The following ZMPSTE24 variants were observed in gnomAD, a reference collection of about 807,000 sequenced individuals.
ZMPSTE24 encodes zinc metallopeptidase STE24, also known as CAAX prenyl protease 1 homolog.
ZMPSTE24 carries 48 observed loss-of-function variants against 56.7 expected under a neutral mutation model. The observed-to-expected ratio is 0.85, with a 90% CI of 0.67 to 1.08. ZMPSTE24 has a LOEUF of 1.08. Among genes scored for constraint, ZMPSTE24 ranks in the 50% least tolerant of loss-of-function variants. ZMPSTE24 has a pLI of 0.00. For missense variants in ZMPSTE24, 503 were observed against 548.7 expected, an observed-to-expected ratio of 0.92 and a Z score of 0.83; for synonymous variants, 172 against 195.2, an observed-to-expected ratio of 0.88 and a Z score of 0.99.
In ZMPSTE24 at chr1:40,260,852, AAAC is replaced by A. The variant is rs759413352; in HGVS notation, c.144_146del (p.Thr49del). 4.5e-5 allele frequency: 72 copies of A among 1,613,814 alleles called. No individual in the cohort carries two copies. The highest frequency in any genetic ancestry group is 1.2e-4 in the Admixed American group (7 of 60,010). On this transcript the variant is annotated inframe_deletion, in exon 2 of 10. Transcript: ENST00000372759. ...AAAATATTTCAGAGAAGGATATATA[AAAC>A]AACAACTCATGTACCACCGGAGTTA... is the stretch of plus-strand genomic sequence containing the variant.
chr1:40,287,403 C>T (rs964357137), intron 8 of ZMPSTE24, among the ~76,000 whole-genome samples: 3 of 151,846 alleles, frequency 2.0e-5, no homozygotes, highest in Non-Finnish European at 2.9e-5. Flanking sequence ...TTATTGCCGG[C>T]GTGGTGGCTC....
chr1:40,292,326 C>A (rs1449614942), intron 9 of ZMPSTE24, 119 bp from the exon 10 acceptor site: 2 of 932,786 alleles, frequency 2.1e-6, no homozygotes, highest in Non-Finnish European at 3.4e-6. Flanking sequence ...AGTGATCTTT[C>A]TTTTGTCCTG....
intron 9 of ZMPSTE24, 27 bp downstream of exon 9, chr1:40,291,024 C>T (rs770559803): frequency 1.9e-6 from 3 of 1,611,984 alleles, no homozygotes; most frequent in Non-Finnish European, 2.5e-6. Flanking sequence ...AAAATTATCA[C>T]ACATATGCTC....
intron 1 of ZMPSTE24, chr1:40,259,305 TTTTATTTATTTATTTTTAATC>T (rs948103760): frequency 2.0e-5 from 3 of 152,104 alleles, no homozygotes; most frequent in African/African-American, 7.2e-5. Flanking sequence ...AGATCTGAAC[TTTTATTTATTTATTTTTAATC>T]TTTATTTATT....
chr1:40,265,683 G>A (rs1393460993), intron 2 of ZMPSTE24, among the ~76,000 whole-genome samples: 1 of 152,172 alleles, frequency 6.6e-6, no homozygotes, highest in Non-Finnish European at 1.5e-5. Flanking sequence ...GTGACAGAGT[G>A]AGACTCTGTC....
rs1324048015 is a variant in ZMPSTE24 at position 40,293,338 on chromosome 1, T to G, written c.*669T>G. ...ATCATTGAGTTTTGTGGGGTTTTTT[T>G]GTTTGTTTGTTTCTTTTGTTTTTTG... On this transcript the variant is annotated 3_prime_UTR_variant, in exon 10 of 10. Transcript: ENST00000372759. 1 of 152,108 alleles carries G rather than the reference T, an allele frequency of 6.6e-6. No individual in the cohort carries two copies. The highest frequency in any genetic ancestry group is 2.4e-5 in the African/African-American group (1 of 41,336). 9.4% of individuals were successfully genotyped at this position (152,108 alleles called of 1,614,324 possible). A position where few individuals can be genotyped will look rare whatever the true frequency, so the allele number is the denominator to read the frequency against.
rs776711690 is a variant in ZMPSTE24 at position 40,281,326 on chromosome 1, A to G, written c.770-17A>G. 66 of 1,613,568 alleles carry G rather than the reference A, an allele frequency of 4.1e-5. No homozygotes were observed. In the East Asian group the frequency reaches 1.4e-3, roughly 34 times the overall value. ...CTTTTTAATTATATTCCATGCTTTG[A>G]ACTGTCTTTTCCTTAGGATCTAAAC... On this transcript the variant is annotated splice_polypyrimidine_tract_variant and intron_variant, in intron 6 of 9. Coordinates refer to ENST00000372759, the MANE Select transcript of ZMPSTE24 (RefSeq NM_005857.5).
At chr1:40,282,696 C>G (rs1272498020) in intron 7 of ZMPSTE24, among the ~76,000 whole-genome samples, 2 of 152,200 alleles carry the variant, frequency 1.3e-5, no homozygotes, top group Non-Finnish European at 2.9e-5. Context: ...TAGGGTTTCT[C>G]AAGCCCCACG....
At chr1:40,267,939 T>C in intron 3 of ZMPSTE24, 67 bp downstream of exon 3, 2 of 1,465,644 alleles carry the variant, frequency 1.4e-6, no homozygotes, top group South Asian at 1.1e-5. Flanking sequence ...TCCACTAAAG[T>C]TAATTTTTTG....
chr1:40,286,990 C>T (rs1291974289), intron 8 of ZMPSTE24, among the ~76,000 whole-genome samples: 1 of 152,122 alleles, frequency 6.6e-6, no homozygotes, highest in Non-Finnish European at 1.5e-5. Context: ...CCTCAGCCTC[C>T]CAAATTGCTG....
At chr1:40,286,083 A>G in intron 8 of ZMPSTE24, 54 bp downstream of exon 8, 4 of 1,486,694 alleles carry the variant, frequency 2.7e-6, no homozygotes, top group Non-Finnish European at 2.8e-6. Context: ...AATTAGAACT[A>G]TGGCAGGCAT....
chr1:40,283,379 G>A (rs1351200283), intron 7 of ZMPSTE24, among the ~76,000 whole-genome samples: 4 of 151,926 alleles, frequency 2.6e-5, no homozygotes, highest in Admixed American at 1.3e-4. Context: ...GATAGCGCAC[G>A]CCTGTAATCC....
chr1:40,264,955 T>C (rs958229115), intron 2 of ZMPSTE24, among the ~76,000 whole-genome samples: 3 of 151,666 alleles, frequency 2.0e-5, no homozygotes, highest in Non-Finnish European at 2.9e-5. Flanking sequence ...TCTGGGATCA[T>C]TAATTTTGCC....
Position 40,292,845 on chromosome 1 carries a change from A to G in ZMPSTE24, c.*176A>G. ...TGATTTTAATAATTCATTTCTTAAA[A>G]CACTGAATGAATTTTGAAGCTTAAT... On this transcript the variant is annotated 3_prime_UTR_variant, in exon 10 of 10. Transcript: ENST00000372759. 1 of 553,626 alleles carries G rather than the reference A, an allele frequency of 1.8e-6. No homozygotes were observed. The highest frequency in any genetic ancestry group is 3.1e-6 in the Non-Finnish European group (1 of 319,196). 34.3% of individuals were successfully genotyped at this position (553,626 alleles called of 1,614,324 possible).
At chr1:40,258,718 A>G (rs1643464606) in intron 1 of ZMPSTE24, among the ~76,000 whole-genome samples, 1 of 152,172 alleles carries the variant, frequency 6.6e-6, no homozygotes. Context: ...ATAAGCCTTT[A>G]AAAGGATTTA....
intron 8 of ZMPSTE24, among the ~76,000 whole-genome samples, 194 bp downstream of exon 8, chr1:40,286,223 GAATGA>G (rs1221199363): frequency 6.6e-6 from 1 of 152,078 alleles, no homozygotes; most frequent in Admixed American, 6.6e-5. Context: ...TCCCCTCATT[GAATGA>G]TAATACCTCA....
intron 7 of ZMPSTE24, among the ~76,000 whole-genome samples, chr1:40,282,193 T>C (rs979289897): frequency 6.6e-6 from 1 of 152,230 alleles, no homozygotes; most frequent in African/African-American, 2.4e-5. Context: ...TGTCAAGCTT[T>C]AGATTCTAGA....
At chr1:40,288,444 G>A (rs913583106) in intron 8 of ZMPSTE24, among the ~76,000 whole-genome samples, 3 of 152,186 alleles carry the variant, frequency 2.0e-5, no homozygotes, top group Non-Finnish European at 4.4e-5. Context: ...GTGGCTAAAT[G>A]GTCCCTGAGA....
intron 8 of ZMPSTE24, among the ~76,000 whole-genome samples, chr1:40,289,961 A>G (rs1170476778): frequency 2.0e-5 from 3 of 152,194 alleles, no homozygotes. Context: ...CAGAGAGAAA[A>G]TATCCCATTG....
Sources: allele counts gnomAD v4.1 joint callset (sites outside exome capture counted in the v4.1 genomes callset), GRCh38; gene constraint gnomAD v4.1.1; transcripts MANE v1.5; gene names NCBI Gene and HGNC (gene_info 2026-07-23, HGNC 2026-07-21).